HECW1: variants seen among roughly 807,000 people sequenced by gnomAD.
The protein encoded by HECW1 is HECT, C2 and WW domain containing E3 ubiquitin protein ligase 1, also known as E3 ubiquitin-protein ligase HECW1.
A neutral mutation model predicts 182.3 loss-of-function variants in HECW1; 61 were observed. That is an observed-to-expected ratio of 0.33 (90% confidence interval 0.27 to 0.41). The LOEUF is 0.41. Among genes scored for constraint, HECW1 ranks in the 10% least tolerant of loss-of-function variants. The pLI, the probability that HECW1 is intolerant of heterozygous loss-of-function variation, is 1.00. For missense variants in HECW1, 1,739 were observed against 2,108.9 expected, an observed-to-expected ratio of 0.82 and a Z score of 3.44; for synonymous variants, 859 against 832.6, an observed-to-expected ratio of 1.03 and a Z score of -0.55.
rs1427315923 is a variant in HECW1 at position 43,485,885 on chromosome 7, TTC to T, written c.3234+6143_3234+6144del. 5.3e-5 allele frequency among the ~76,000 whole-genome samples: 8 copies of T among 152,260 alleles called. 1 individual carries two copies. Among genetic ancestry groups the T allele is most frequent in the African/African-American group, 1.7e-4 (7 of 41,534 alleles). On this transcript the variant is annotated intron_variant, in intron 17 of 29. Coordinates refer to ENST00000395891, the MANE Select transcript of HECW1 (RefSeq NM_015052.5). The stretch of plus-strand genomic sequence containing the variant: ...ATTTTTTTTATTATTATACTTTAAG[TTC>T]TGGGGTACATGTTTACAATGCGCAG...
intron 24 of HECW1, among the ~76,000 whole-genome samples, chr7:43,521,906 G>A (rs976631136): frequency 1.1e-4 from 16 of 152,078 alleles, no homozygotes; most frequent in African/African-American, 2.9e-4. Context: ...GAAGTGAGGC[G>A]TTTGGGAAAG....
intron 9 of HECW1, 46 bp from the exon 10 acceptor site, chr7:43,442,483 A>AAG: frequency 7.4e-7 from 1 of 1,349,978 alleles, no homozygotes; most frequent in Non-Finnish European, 1.1e-6. Flanking sequence ...GGTCATTAGG[A>AAG]AGAGAGGTAT....
intron 5 of HECW1, among the ~76,000 whole-genome samples, chr7:43,329,367 A>C (rs897404897): frequency 6.6e-6 from 1 of 152,188 alleles, no homozygotes; most frequent in Non-Finnish European, 1.5e-5. Context: ...TAGAAACTGC[A>C]TTCTGGCAGA....
chr7:43,456,851 C>T, intron 13 of HECW1, among the ~76,000 whole-genome samples: 1 of 152,130 alleles, frequency 6.6e-6, no homozygotes, highest in East Asian at 1.9e-4. Flanking sequence ...TCATACAGTT[C>T]TCAAAAGGAT....
intron 5 of HECW1, among the ~76,000 whole-genome samples, chr7:43,325,750 C>T (rs547649798): frequency 4.6e-5 from 7 of 152,278 alleles, no homozygotes; most frequent in African/African-American, 7.2e-5. Flanking sequence ...CCACTCATCC[C>T]GGATCCCACC....
At position 43,441,700 on chromosome 7, in the gene HECW1, C is replaced by T. The variant is rs562401525; in HGVS notation, c.945-829C>T. Among the ~76,000 whole-genome samples, 3 of 152,308 alleles carry T rather than the reference C, an allele frequency of 2.0e-5. 1 individual carries two copies. The South Asian group carries it at 6.2e-4, about 32-fold the overall frequency. On this transcript the variant is annotated intron_variant, in intron 9 of 29. Transcript: ENST00000395891. Reference sequence around the variant, plus strand: ...AGCATGAAAGTTGCCACAGATAATACGTAAGCTAACAAGCATGGCCGTGCT... The same window carrying T: ...AGCATGAAAGTTGCCACAGATAATATGTAAGCTAACAAGCATGGCCGTGCT...
intron 6 of HECW1, among the ~76,000 whole-genome samples, chr7:43,387,880 AT>A (rs1198059450): frequency 6.6e-6 from 1 of 152,278 alleles, no homozygotes; most frequent in Non-Finnish European, 1.5e-5. Flanking sequence ...ATCTGCTAAC[AT>A]AATTCTTAAG....
chr7:43,273,868 T>G (rs986786497), intron 3 of HECW1, among the ~76,000 whole-genome samples: 1 of 151,950 alleles, frequency 6.6e-6, no homozygotes, highest in Non-Finnish European at 1.5e-5. Flanking sequence ...TTTTTTTTTT[T>G]TTTGAGATGG....
intron 3 of HECW1, among the ~76,000 whole-genome samples, chr7:43,294,963 A>G (rs564686531): frequency 2.0e-5 from 3 of 152,128 alleles, no homozygotes; most frequent in Non-Finnish European, 4.4e-5. Context: ...TAAGATGTAC[A>G]TTGATTCAGT....
chr7:43,406,779 A>G (rs1175160103), intron 7 of HECW1, among the ~76,000 whole-genome samples: 1 of 152,074 alleles, frequency 6.6e-6, no homozygotes, highest in Non-Finnish European at 1.5e-5. Context: ...TTCTCCAGGC[A>G]TGGTGATAGG....
intron 5 of HECW1, among the ~76,000 whole-genome samples, chr7:43,330,945 T>G (rs1811387623): frequency 6.6e-6 from 1 of 152,156 alleles, no homozygotes; most frequent in South Asian, 2.1e-4. Flanking sequence ...AAATGAGGAA[T>G]AAAATCAAAG....
intron 2 of HECW1, among the ~76,000 whole-genome samples, chr7:43,164,567 C>A (rs1790898165): frequency 1.3e-5 from 2 of 152,202 alleles, no homozygotes; most frequent in Admixed American, 1.3e-4. Flanking sequence ...GAAGACACAC[C>A]CCTCCCTCCT....
intron 2 of HECW1, among the ~76,000 whole-genome samples, chr7:43,218,517 G>A (rs551588403): frequency 6.6e-6 from 1 of 152,308 alleles, no homozygotes; most frequent in South Asian, 2.1e-4. Context: ...ATGGGGTATG[G>A]CAGGGCAGAG....
chr7:43,178,249 G>T (rs1792453949), intron 2 of HECW1, among the ~76,000 whole-genome samples: 1 of 152,100 alleles, frequency 6.6e-6, no homozygotes, highest in South Asian at 2.1e-4. Context: ...CAAATGATCT[G>T]CCCGTCTTGG....
chr7:43,355,030 G>GA (rs71562093), intron 5 of HECW1, among the ~76,000 whole-genome samples: 69,165 of 142,340 alleles, frequency 0.49, 16,650 homozygotes, highest in African/African-American at 0.59. Flanking sequence ...GTGCTGAAAG[G>GA]AAAAAAAAAA....
At chr7:43,357,705 GT>G (rs1562880564) in intron 5 of HECW1, among the ~76,000 whole-genome samples, 2 of 151,458 alleles carry the variant, frequency 1.3e-5, no homozygotes, top group East Asian at 3.9e-4. Context: ...TTTATAATAT[GT>G]TTTTATATAT....
At chr7:43,486,991 A>T (rs1333381445) in intron 17 of HECW1, among the ~76,000 whole-genome samples, 1 of 152,230 alleles carries the variant, frequency 6.6e-6, no homozygotes, top group Non-Finnish European at 1.5e-5. Context: ...CCCGCTTCTT[A>T]TTATAAAAAT....
chr7:43,264,642 A>C (rs537618408), intron 3 of HECW1, among the ~76,000 whole-genome samples: 5 of 152,050 alleles, frequency 3.3e-5, no homozygotes, highest in Admixed American at 1.3e-4. Context: ...TCAGGAGACC[A>C]AGACCATCCT....
In HECW1 at chr7:43,248,013, G is replaced by A. The variant is rs114711373; in HGVS notation, c.27+4081G>A. On this transcript the variant is annotated intron_variant, in intron 3 of 29. Coordinates refer to ENST00000395891, the MANE Select transcript of HECW1 (RefSeq NM_015052.5). ...AGAAGGAAGGAAGGAAAGAAAGAGA[G>A]AAAGAAGAAAGCAAGCAAGAAGGGA... Among the ~76,000 whole-genome samples, 1,234 of 127,802 alleles carry A rather than the reference G, an allele frequency of 9.7e-3. 19 individuals carry two copies. Among genetic ancestry groups the A allele is most frequent in the African/African-American group, 0.033 (1,154 of 34,720 alleles). The allele number at this position is 127,802 out of a possible 152,430, so 83.8% of individuals were successfully genotyped here.
Sources: allele counts gnomAD v4.1 joint callset (sites outside exome capture counted in the v4.1 genomes callset), GRCh38; gene constraint gnomAD v4.1.1; transcripts MANE v1.5; gene names NCBI Gene and HGNC (gene_info 2026-07-23, HGNC 2026-07-21).